Variants in DMD observed in about 807,000 individuals in gnomAD.
The protein encoded by DMD is mutant dystrophin.
Under a neutral mutation model 330.1 loss-of-function variants are expected in DMD, and 63 were observed. The observed-to-expected ratio is 0.19, with a 90% CI of 0.16 to 0.24. DMD has a LOEUF of 0.24. Among genes scored for constraint, DMD ranks in the 10% least tolerant of loss-of-function variants. The probability of loss-of-function intolerance (pLI) is 1.00; values close to 1 mark genes in which losing one functional copy is unlikely to be tolerated. For missense variants in DMD, 3,344 were observed against 2,684.1 expected (o/e 1.25, Z -5.43); for synonymous variants, 1,223 against 959.8 (o/e 1.27, Z -5.07).
chrX:31,842,622 G>A (rs922929902), intron 48 of DMD, among the ~76,000 whole-genome samples: 8 of 112,115 alleles, frequency 7.1e-5, no homozygotes, highest in Non-Finnish European at 1.1e-4. Flanking sequence ...AGCTATCTCC[G>A]TCAAGGCAAG....
At chrX:31,885,143 A>G (rs1183068708) in intron 47 of DMD, among the ~76,000 whole-genome samples, 1 of 111,110 alleles carries the variant, frequency 9.0e-6, no homozygotes, top group Non-Finnish European at 1.9e-5. Context: ...AGTACATAAC[A>G]TTTTCTAAAA....
chrX:31,778,266 C>A (rs772185252), intron 50 of DMD, among the ~76,000 whole-genome samples: 1 of 111,601 alleles, frequency 9.0e-6, no homozygotes, highest in African/African-American at 3.2e-5. Context: ...AGGACAAAAT[C>A]TTGCACCACT....
Position 32,895,339 on chromosome X carries a change from C to G in DMD, c.94-45519G>C, listed in dbSNP as rs145491460. Among the ~76,000 whole-genome samples the G allele has an allele frequency of 9.8e-4, 110 of 112,366 alleles. 1 individual carries two copies. Among genetic ancestry groups the G allele is most frequent in the African/African-American group, 3.4e-3 (104 of 30,957 alleles). The stretch of plus-strand genomic sequence containing the variant: ...AAGCAAGTGGTTTAGTATTGTAATA[C>G]CATGACAAAGATTAAGAACTGAACT... On this transcript the variant is annotated intron_variant, in intron 2 of 78. Transcript: ENST00000357033.
intron 7 of DMD, among the ~76,000 whole-genome samples, chrX:32,761,584 G>C (rs1346449750): frequency 1.8e-5 from 2 of 111,838 alleles, no homozygotes; most frequent in East Asian, 2.8e-4. Context: ...TGGAGTGGCA[G>C]AGTCTGTCAG....
At chrX:31,366,507 A>AAAAAAAAAAAAAAAAAAT (rs1556574494) in intron 60 of DMD, among the ~76,000 whole-genome samples, 1 of 85,919 alleles carries the variant, frequency 1.2e-5, no homozygotes, top group Non-Finnish European at 2.2e-5. Flanking sequence ...CATAAAAAAA[A>AAAAAAAAAAAAAAAAAAT]AAATAAATAA....
In DMD at chrX:31,920,416, T is replaced by G. The variant is rs568689319; in HGVS notation, c.6912+9180A>C. 2.9e-3 allele frequency among the ~76,000 whole-genome samples: 325 copies of G among 112,153 alleles called. 1 individual carries two copies. Among genetic ancestry groups the G allele is most frequent in the African/African-American group, 9.6e-3 (298 of 30,907 alleles). On this transcript the variant is annotated intron_variant, in intron 47 of 78. Transcript: ENST00000357033. ...AACCTCAGTTTAAGGAGTTGGCATA[T>G]GAAAACTTCCATTTAATATCATTTC...
At chrX:32,813,001 T>C (rs999325430) in intron 6 of DMD, among the ~76,000 whole-genome samples, 2 of 110,847 alleles carry the variant, frequency 1.8e-5, no homozygotes, top group African/African-American at 6.6e-5. Context: ...AAATTGAGTA[T>C]GATGAGAAAA....
At chrX:32,780,108 T>C (rs2148529908) in intron 7 of DMD, among the ~76,000 whole-genome samples, 1 of 111,962 alleles carries the variant, frequency 8.9e-6, no homozygotes, top group East Asian at 2.8e-4. Context: ...GTGTATTGCT[T>C]TAGCATACTC....
chrX:32,386,239 T>A, intron 33 of DMD, 71 bp downstream of exon 33: 1 of 1,136,297 alleles, frequency 8.8e-7, no homozygotes, highest in Middle Eastern at 2.4e-4. Flanking sequence ...TCATACATAA[T>A]TTATTGCCCG....
chrX:32,237,397 T>C (rs2097192040), intron 43 of DMD, among the ~76,000 whole-genome samples: 1 of 110,964 alleles, frequency 9.0e-6, no homozygotes. Flanking sequence ...AGCACTATTT[T>C]CTTCTCCAAT....
At chrX:32,742,637 T>C (rs1487978758) in intron 7 of DMD, among the ~76,000 whole-genome samples, 1 of 111,286 alleles carries the variant, frequency 9.0e-6, no homozygotes, top group Non-Finnish European at 1.9e-5. Flanking sequence ...GACAAAAGAA[T>C]CAGGAATGAG....
chrX:32,868,013 C>A (rs1277954612), intron 2 of DMD, among the ~76,000 whole-genome samples: 2 of 110,065 alleles, frequency 1.8e-5, no homozygotes, highest in African/African-American at 6.6e-5. Flanking sequence ...GTGAATCCTG[C>A]ACCAGCAACA....
chrX:32,121,737 A>ATGTG (rs770805204), intron 44 of DMD, among the ~76,000 whole-genome samples: 16 of 96,414 alleles, frequency 1.7e-4, no homozygotes, highest in African/African-American at 5.3e-4. Context: ...GTCAAAAAAA[A>ATGTG]TGTGTGTGTG....
intron 44 of DMD, among the ~76,000 whole-genome samples, chrX:32,081,786 G>A (rs1181422851): frequency 9.0e-6 from 1 of 110,875 alleles, no homozygotes; most frequent in African/African-American, 3.3e-5. Flanking sequence ...CCCATAAGGC[G>A]GAAATTACAG....
In DMD at chrX:31,120,265, G is replaced by C. The variant is rs148472346; in HGVS notation, c.*1654C>G. ...CTTGAGCTTTTCTCCTCTTTTTTGA[G>C]CAATTTTTGTTTGTTTGTTTATATA... On this transcript the variant is annotated 3_prime_UTR_variant, in exon 79 of 79. Transcript: ENST00000357033. The C allele has an allele frequency of 2.3e-4, 26 of 111,911 alleles. No homozygotes were observed. The East Asian group carries it at 6.2e-3, about 27-fold the overall frequency. The allele number at this position is 111,911 out of a possible 1,213,427, so 9.2% of individuals were successfully genotyped here.
Position 32,485,546 on chromosome X carries a change from T to C in DMD, c.2623-447A>G, listed in dbSNP as rs183723035. Reference sequence around the variant, plus strand: ...AATATAAATTACATATATACCTACATATATGTATATGTGTATACTATAATT... The same window carrying C: ...AATATAAATTACATATATACCTACACATATGTATATGTGTATACTATAATT... On this transcript the variant is annotated intron_variant, in intron 20 of 78. Coordinates refer to ENST00000357033, the MANE Select transcript of DMD (RefSeq NM_004006.3). Among the ~76,000 whole-genome samples the C allele has an allele frequency of 1.9e-4, 21 of 109,366 alleles. No individual in the cohort carries two copies. The East Asian group carries it at 5.7e-3, about 30-fold the overall frequency. 95.0% of individuals were successfully genotyped at this position (109,366 alleles called of 115,157 possible).
chrX:32,853,769 G>GAAAAAAAAAAAAAAAAAA (rs1162458210), intron 2 of DMD, among the ~76,000 whole-genome samples: 2 of 56,085 alleles, frequency 3.6e-5, no homozygotes, highest in African/African-American at 7.6e-5. Context: ...CACAGTGACA[G>GAAAAAAAAAAAAAAAAAA]AAAAAAAAAA....
chrX:31,767,910 T>C (rs1249042425), intron 51 of DMD, among the ~76,000 whole-genome samples: 1 of 112,120 alleles, frequency 8.9e-6, no homozygotes, highest in African/African-American at 3.2e-5. Flanking sequence ...CATTTAAATA[T>C]ACACTATACC....
At chrX:32,511,058 A>G (rs1449775982) in intron 18 of DMD, among the ~76,000 whole-genome samples, 1 of 109,571 alleles carries the variant, frequency 9.1e-6, no homozygotes, top group Non-Finnish European at 1.9e-5. Flanking sequence ...GACCAAGGGT[A>G]TCATCTGAAT....
Sources: allele counts gnomAD v4.1 joint callset (sites outside exome capture counted in the v4.1 genomes callset), GRCh38; gene constraint gnomAD v4.1.1; transcripts MANE v1.5; gene names NCBI Gene and HGNC (gene_info 2026-07-23, HGNC 2026-07-21).